EYS: variants seen among roughly 807,000 people sequenced by gnomAD.
EYS encodes protein eyes shut homolog.
A neutral mutation model predicts 282.1 loss-of-function variants in EYS; 250 were observed. The ratio of observed to expected loss-of-function variants is 0.89; its 90% confidence interval spans 0.80 to 0.98. The LOEUF is 0.98. Ranked by LOEUF, EYS falls within the 50% of genes least tolerant of loss-of-function variation. The probability of loss-of-function intolerance (pLI) is 0.00; values close to 1 mark genes in which losing one functional copy is unlikely to be tolerated. For synonymous variants in EYS, 1,355 were observed against 1,282.9 expected (o/e 1.06, Z -1.20); for missense variants, 4,016 against 3,709.0 (o/e 1.08, Z -2.15).
At chr6:64,183,086 A>G (rs1301347558) in intron 31 of EYS, among the ~76,000 whole-genome samples, 1 of 152,048 alleles carries the variant, frequency 6.6e-6, no homozygotes, top group Non-Finnish European at 1.5e-5. Context: ...GTGAGTTCTC[A>G]CAAGATCCGA....
chr6:63,726,892 A>G (rs1289333328), intron 41 of EYS, among the ~76,000 whole-genome samples: 1 of 152,170 alleles, frequency 6.6e-6, no homozygotes, highest in South Asian at 2.1e-4. Flanking sequence ...ACTTACTGAA[A>G]AGCCTTCTCT....
At chr6:65,229,895 A>T (rs1766724145) in intron 12 of EYS, among the ~76,000 whole-genome samples, 1 of 151,942 alleles carries the variant, frequency 6.6e-6, no homozygotes, top group South Asian at 2.1e-4. Flanking sequence ...CAGTTGAAGA[A>T]GCAGAATAAA....
chr6:64,733,248 T>C (rs1401238485), intron 22 of EYS: 1 of 153,496 alleles, frequency 6.5e-6, no homozygotes, highest in Non-Finnish European at 1.5e-5. Context: ...GAGGTCTTTA[T>C]CTGGTTCAGA....
intron 36 of EYS, among the ~76,000 whole-genome samples, chr6:63,847,543 T>A (rs1772131488): frequency 6.6e-6 from 1 of 152,184 alleles, no homozygotes; most frequent in African/African-American, 2.4e-5. Context: ...ATAATATACA[T>A]AAGCCAAGAG....
At chr6:64,666,162 TGA>T (rs1769223425) in intron 22 of EYS, among the ~76,000 whole-genome samples, 1 of 152,190 alleles carries the variant, frequency 6.6e-6, no homozygotes, top group East Asian at 1.9e-4. Flanking sequence ...ACCTGGCTGA[TGA>T]AATAATATGT....
At chr6:64,600,226 T>C (rs1410798844) in intron 24 of EYS, among the ~76,000 whole-genome samples, 2 of 152,132 alleles carry the variant, frequency 1.3e-5, no homozygotes, top group South Asian at 4.1e-4. Context: ...TTTTCAGCTC[T>C]CTTTTTTTTC....
At position 65,067,374 on chromosome 6, in the gene EYS, AT is replaced by A. The variant is rs569287127; in HGVS notation, c.2024-9648del. Among the ~76,000 whole-genome samples, 228 of 152,260 alleles carry A rather than the reference AT, an allele frequency of 1.5e-3. 1 individual carries two copies. Among genetic ancestry groups the A allele is most frequent in the Non-Finnish European group, 2.3e-3 (153 of 67,994 alleles). On this transcript the variant is annotated intron_variant, in intron 12 of 42. Coordinates refer to ENST00000503581, the MANE Select transcript of EYS (RefSeq NM_001142800.2). ...CACAAACAGTAAAGGATAAAAAAAAATAATGAAATCTAAGATGCCACAGATT... is the reference window on the plus strand; with the variant it reads ...CACAAACAGTAAAGGATAAAAAAAAAAATGAAATCTAAGATGCCACAGATT...
intron 39 of EYS, among the ~76,000 whole-genome samples, chr6:63,784,364 G>A (rs541978761): frequency 1.8e-4 from 28 of 152,296 alleles, no homozygotes; most frequent in African/African-American, 6.5e-4. Flanking sequence ...ATCAGTGGAA[G>A]CGAGTTAAGT....
rs1770481970 is a variant in EYS at position 64,327,709 on chromosome 6, T to C, written c.6079-20627A>G. On this transcript the variant is annotated intron_variant, in intron 29 of 42. Coordinates refer to ENST00000503581, the MANE Select transcript of EYS (RefSeq NM_001142800.2). ...AACCATAGAAAGAGATTGCAAGGCA[T>C]CAGTAAAAGAAAAGGATTCACAGGA... Among the ~76,000 whole-genome samples, 3 of 152,186 alleles carry C rather than the reference T, an allele frequency of 2.0e-5. No individual in the cohort carries two copies. In the South Asian group the frequency reaches 6.2e-4, roughly 32 times the overall value.
At chr6:64,883,215 T>A (rs1766976697) in intron 19 of EYS, among the ~76,000 whole-genome samples, 1 of 151,510 alleles carries the variant, frequency 6.6e-6, no homozygotes, top group South Asian at 2.1e-4. Context: ...AGAAGACAGC[T>A]TAGTTATCTC....
At chr6:64,719,146 C>A (rs1273177273) in intron 22 of EYS, among the ~76,000 whole-genome samples, 1 of 152,106 alleles carries the variant, frequency 6.6e-6, no homozygotes, top group Non-Finnish European at 1.5e-5. Context: ...CGGACAGGCT[C>A]CAGGATAACA....
At chr6:65,663,329 G>C (rs1252166699) in intron 1 of EYS, among the ~76,000 whole-genome samples, 1 of 152,122 alleles carries the variant, frequency 6.6e-6, no homozygotes, top group Non-Finnish European at 1.5e-5. Flanking sequence ...CCCTTAGAAA[G>C]ATTGTTAGAG....
intron 29 of EYS, among the ~76,000 whole-genome samples, chr6:64,367,651 A>C (rs946790070): frequency 1.3e-5 from 2 of 151,846 alleles, no homozygotes; most frequent in African/African-American, 4.8e-5. Context: ...ATCTTTTTAC[A>C]TTGTGAATGG....
At chr6:64,992,098 A>G (rs1243364690) in intron 14 of EYS, among the ~76,000 whole-genome samples, 4 of 151,868 alleles carry the variant, frequency 2.6e-5, no homozygotes, top group African/African-American at 9.7e-5. Context: ...GCAACTCCCT[A>G]TTTTAGAACA....
intron 35 of EYS, among the ~76,000 whole-genome samples, chr6:63,981,368 C>T (rs1767083336): frequency 6.6e-6 from 1 of 151,590 alleles, no homozygotes; most frequent in South Asian, 2.1e-4. Context: ...AGGATCCTTT[C>T]AAGAATTAAA....
chr6:65,596,471 T>C (rs1425381696), intron 2 of EYS, among the ~76,000 whole-genome samples: 2 of 152,096 alleles, frequency 1.3e-5, no homozygotes. Context: ...TTGGGAAAGA[T>C]GTGATTTTTA....
At chr6:64,076,023 T>C (rs1771759860) in intron 32 of EYS, among the ~76,000 whole-genome samples, 1 of 151,962 alleles carries the variant, frequency 6.6e-6, no homozygotes, top group African/African-American at 2.4e-5. Context: ...CAGGCTACTA[T>C]GGCAGAGTTG....
intron 8 of EYS, among the ~76,000 whole-genome samples, chr6:65,383,253 T>C (rs1765683449): frequency 6.6e-6 from 1 of 151,998 alleles, no homozygotes; most frequent in Non-Finnish European, 1.5e-5. Context: ...TTTTTTTTAG[T>C]TTTCAGCATA....
At chr6:65,229,209 A>C (rs523089) in intron 12 of EYS, among the ~76,000 whole-genome samples, 50,601 of 151,762 alleles carry the variant, frequency 0.33, 9,719 homozygotes, top group African/African-American at 0.53. Flanking sequence ...AAGATTAGAA[A>C]GTGTCCAGTG....
Sources: allele counts gnomAD v4.1 joint callset (sites outside exome capture counted in the v4.1 genomes callset), GRCh38; gene constraint gnomAD v4.1.1; transcripts MANE v1.5; gene names NCBI Gene and HGNC (gene_info 2026-07-23, HGNC 2026-07-21).